Variants in LARGE1 observed in about 807,000 individuals in gnomAD.
LARGE1 encodes the protein LARGE xylosyl- and glucuronyltransferase 1.
LARGE1 carries 43 observed loss-of-function variants against 87.6 expected under a neutral mutation model. The ratio of observed to expected loss-of-function variants is 0.49; its 90% CI spans 0.38 to 0.63. LARGE1 has a LOEUF of 0.63. Ranked by LOEUF, LARGE1 falls within the 30% of genes least tolerant of loss-of-function variation. LARGE1 has a pLI of 0.00. For missense variants in LARGE1, 802 were observed against 1,000.2 expected, an observed-to-expected ratio of 0.80 and a Z score of 2.67; for synonymous variants, 434 against 394.6, an observed-to-expected ratio of 1.10 and a Z score of -1.18.
chr22:33,549,911 C>T (rs2077473463), intron 6 of LARGE1, among the ~76,000 whole-genome samples: 1 of 152,072 alleles, frequency 6.6e-6, no homozygotes, highest in Admixed American at 6.6e-5. Flanking sequence ...ATCCATGTTG[C>T]TACAAAGGAC....
chr22:33,194,552 A>T (rs1923966428), intron 11 of LARGE1, among the ~76,000 whole-genome samples: 1 of 152,196 alleles, frequency 6.6e-6, no homozygotes, highest in Non-Finnish European at 1.5e-5. Flanking sequence ...AAATATTTTT[A>T]GTATAGATAT....
intron 7 of LARGE1, among the ~76,000 whole-genome samples, chr22:33,400,295 T>C (rs755306359): frequency 3.0e-4 from 45 of 152,200 alleles, no homozygotes; most frequent in Non-Finnish European, 6.0e-4. Flanking sequence ...TACCAGGATA[T>C]TGGTCTTAAA....
intron 11 of LARGE1, among the ~76,000 whole-genome samples, chr22:33,172,665 T>A (rs1922639408): frequency 6.6e-6 from 1 of 152,142 alleles, no homozygotes; most frequent in East Asian, 1.9e-4. Context: ...GTGCTAAGTA[T>A]CATGTGATAA....
At chr22:33,845,318 T>C (rs4820120) in intron 1 of LARGE1, among the ~76,000 whole-genome samples, 36,456 of 152,086 alleles carry the variant, frequency 0.24, 4,498 homozygotes, top group Admixed American at 0.35. Context: ...TATTTATTTT[T>C]AGTTTTTGAG....
intron 11 of LARGE1, among the ~76,000 whole-genome samples, chr22:33,239,446 G>T (rs974934587): frequency 6.6e-6 from 1 of 150,886 alleles, no homozygotes; most frequent in African/African-American, 2.4e-5. Context: ...CACTTTCCTG[G>T]TTATTAAGCT....
the LARGE1 span, among the ~76,000 whole-genome samples, chr22:33,092,798 T>C: frequency 3.3e-5 from 5 of 152,176 alleles, no homozygotes; most frequent in Admixed American, 2.0e-4. Context: ...GCAAAGGACA[T>C]GATCTCGCTC....
At chr22:33,913,561 T>C (rs915871297) in intron 1 of LARGE1, among the ~76,000 whole-genome samples, 2 of 152,208 alleles carry the variant, frequency 1.3e-5, no homozygotes, top group African/African-American at 4.8e-5. Flanking sequence ...CTTTTTGTTT[T>C]TGAGAAGGAG....
At chr22:33,763,932 C>A (rs900644854) in intron 1 of LARGE1, among the ~76,000 whole-genome samples, 1 of 148,660 alleles carries the variant, frequency 6.7e-6, no homozygotes, top group African/African-American at 2.5e-5. Context: ...TCACTGCAAC[C>A]TCCGCCTCCC....
At chr22:33,079,115 T>C in the LARGE1 span, among the ~76,000 whole-genome samples, 1 of 151,934 alleles carries the variant, frequency 6.6e-6, no homozygotes, top group South Asian at 2.1e-4. Context: ...ATGGTAATAC[T>C]AGTAACTCCC....
At chr22:33,141,955 T>G in the LARGE1 span, among the ~76,000 whole-genome samples, 1 of 152,236 alleles carries the variant, frequency 6.6e-6, no homozygotes, top group African/African-American at 2.4e-5. Flanking sequence ...CAATTTTGGA[T>G]TCAGATGTCA....
intron 2 of LARGE1, among the ~76,000 whole-genome samples, chr22:33,651,366 T>C (rs1441341234): frequency 4.3e-5 from 5 of 115,012 alleles, no homozygotes; most frequent in South Asian, 5.9e-4. Flanking sequence ...CACTCCAGCC[T>C]GGGCCAGAGT....
chr22:33,687,386 T>C (rs76957674), intron 2 of LARGE1, among the ~76,000 whole-genome samples: 2 of 83,210 alleles, frequency 2.4e-5, no homozygotes, highest in South Asian at 7.3e-4. Flanking sequence ...ACCTTGCTGC[T>C]TTTTTTTTTT....
At chr22:33,657,784 T>C (rs1014566802) in intron 2 of LARGE1, among the ~76,000 whole-genome samples, 3 of 152,140 alleles carry the variant, frequency 2.0e-5, no homozygotes, top group Non-Finnish European at 4.4e-5. Context: ...CAAAAACAAC[T>C]CTATCTACTT....
intron 1 of LARGE1, among the ~76,000 whole-genome samples, chr22:33,893,892 T>C (rs763268667): frequency 2.0e-5 from 3 of 152,134 alleles, no homozygotes; most frequent in East Asian, 1.9e-4. Flanking sequence ...GTCACAAGTC[T>C]CACAGGGCAC....
Position 33,665,600 on chromosome 22 carries a change from A to C in LARGE1, c.107-14932T>G, listed in dbSNP as rs16992766. Among the ~76,000 whole-genome samples the C allele has an allele frequency of 8.0e-3, 1,222 of 152,322 alleles. 16 individuals are homozygous for C. The highest frequency in any genetic ancestry group is 0.028 in the African/African-American group (1,151 of 41,572). On this transcript the variant is annotated intron_variant, in intron 2 of 14. Transcript: ENST00000397394. Reference sequence around the variant, plus strand: ...GGGTTTATTGTCCCCATTTTAAAGAAGCAGAAACAGGGCTGCGCGCGGTGG... The same window carrying C: ...GGGTTTATTGTCCCCATTTTAAAGACGCAGAAACAGGGCTGCGCGCGGTGG...
chr22:33,892,204 C>T (rs1022442829), intron 1 of LARGE1, among the ~76,000 whole-genome samples: 3 of 152,152 alleles, frequency 2.0e-5, no homozygotes, highest in African/African-American at 4.8e-5. Context: ...CTTGAGGCAA[C>T]GATCACTTAT....
chr22:33,647,529 A>C (rs1457463886), intron 3 of LARGE1, among the ~76,000 whole-genome samples: 2 of 152,220 alleles, frequency 1.3e-5, no homozygotes, highest in Non-Finnish European at 1.5e-5. Context: ...TCAATCAAGC[A>C]GGCTGGGGTG....
intron 9 of LARGE1, among the ~76,000 whole-genome samples, chr22:33,356,099 C>T (rs568585188): frequency 4.6e-5 from 7 of 152,312 alleles, no homozygotes; most frequent in Admixed American, 2.6e-4. Flanking sequence ...TGGACATACA[C>T]TCTGGAAAAT....
At chr22:33,153,587 T>C in the LARGE1 span, among the ~76,000 whole-genome samples, 1 of 152,214 alleles carries the variant, frequency 6.6e-6, no homozygotes, top group African/African-American at 2.4e-5. Context: ...ACCTGCAGCA[T>C]AGTACTTACT....
Sources: gnomAD v4.1 joint callset for allele counts (sites outside exome capture counted in the v4.1 genomes callset) on GRCh38, gnomAD v4.1.1 for gene constraint, MANE v1.5 for transcripts, NCBI Gene and HGNC (gene_info 2026-07-23, HGNC 2026-07-21) for gene names.